LPP: variants seen among roughly 807,000 people sequenced by gnomAD.
LPP encodes LIM domain containing preferred translocation partner in lipoma, also known as lipoma-preferred partner.
Under a neutral mutation model 60.4 loss-of-function variants are expected in LPP, and 38 were observed. The observed-to-expected ratio is 0.63, with a 90% confidence interval of 0.49 to 0.83. The LOEUF is 0.83. LPP is among the 40% of genes least tolerant of loss of function. LPP has a pLI of 0.00. For missense variants in LPP, 902 were observed against 783.6 expected, an observed-to-expected ratio of 1.15 and a Z score of -1.80; for synonymous variants, 328 against 290.8, an observed-to-expected ratio of 1.13 and a Z score of -1.30.
intron 1 of LPP, among the ~76,000 whole-genome samples, chr3:188,163,472 T>C (rs368562496): frequency 7.2e-5 from 11 of 152,346 alleles, no homozygotes; most frequent in African/African-American, 2.6e-4. Flanking sequence ...GTATCAGTAG[T>C]GTTCCTTTTT....
rs186970356 is a variant in LPP, at chr3:188,455,891, A to T, written c.194-28701A>T. On this transcript the variant is annotated intron_variant, in intron 4 of 11. Transcript: ENST00000617246. ...TCATTCACTTGGCATTTAAAAAAAAATTTTTTTATTTGTTTATTTTAGAGA... is the reference window on the plus strand; with the variant it reads ...TCATTCACTTGGCATTTAAAAAAAATTTTTTTTATTTGTTTATTTTAGAGA... Among the ~76,000 whole-genome samples, 561 of 152,086 alleles carry T rather than the reference A, an allele frequency of 3.7e-3. 3 individuals carry two copies. The highest frequency in any genetic ancestry group is 0.011 in the African/African-American group (437 of 41,480).
intron 3 of LPP, among the ~76,000 whole-genome samples, chr3:188,371,130 C>T (rs1772939764): frequency 6.6e-6 from 1 of 152,112 alleles, no homozygotes. Flanking sequence ...GTACCAAGAT[C>T]TCTTATTGGG....
intron 8 of LPP, among the ~76,000 whole-genome samples, chr3:188,740,563 A>C (rs1724061107): frequency 6.6e-6 from 1 of 152,064 alleles, no homozygotes; most frequent in Non-Finnish European, 1.5e-5. Flanking sequence ...TATACTTCAG[A>C]ACCTCATAAC....
chr3:188,547,053 T>A (rs1399967716), intron 6 of LPP, among the ~76,000 whole-genome samples: 1 of 152,192 alleles, frequency 6.6e-6, no homozygotes, highest in East Asian at 1.9e-4. Context: ...GCTGTATGGA[T>A]GCCTAGCGGA....
chr3:188,385,352 G>C (rs1165385222), intron 3 of LPP, among the ~76,000 whole-genome samples: 1 of 152,068 alleles, frequency 6.6e-6, no homozygotes, highest in East Asian at 1.9e-4. Flanking sequence ...CGTGTGGGGG[G>C]GTGTGAAGAG....
chr3:188,844,123 A>G (rs1428148001), intron 9 of LPP, among the ~76,000 whole-genome samples: 1 of 152,176 alleles, frequency 6.6e-6, no homozygotes, highest in Non-Finnish European at 1.5e-5. Flanking sequence ...TCAAAACTGC[A>G]CTATGGATTT....
At chr3:188,410,616 A>AT (rs1784680396) in intron 4 of LPP, among the ~76,000 whole-genome samples, 1 of 151,976 alleles carries the variant, frequency 6.6e-6, no homozygotes, top group Admixed American at 6.6e-5. Flanking sequence ...CTTTTCACTG[A>AT]TTTTGTAACA....
At chr3:188,795,027 C>A (rs966242023) in intron 9 of LPP, among the ~76,000 whole-genome samples, 1 of 152,132 alleles carries the variant, frequency 6.6e-6, no homozygotes, top group African/African-American at 2.4e-5. Context: ...CCCAGCTACT[C>A]AGGAGGCTGA....
At chr3:188,873,081 G>A (rs1038777129) in intron 11 of LPP, among the ~76,000 whole-genome samples, 1 of 152,156 alleles carries the variant, frequency 6.6e-6, no homozygotes, top group Admixed American at 6.5e-5. Context: ...AGTGAGAAAT[G>A]GTGTTATTGA....
chr3:188,516,899 T>A (rs1817534472), intron 5 of LPP, among the ~76,000 whole-genome samples: 1 of 152,120 alleles, frequency 6.6e-6, no homozygotes, highest in South Asian at 2.1e-4. Context: ...GATCTAGGAT[T>A]GTGTTCTTTA....
At chr3:188,718,997 A>T (rs551948506) in intron 8 of LPP, among the ~76,000 whole-genome samples, 1 of 152,120 alleles carries the variant, frequency 6.6e-6, no homozygotes, top group Admixed American at 6.6e-5. Context: ...TTTTTAATTC[A>T]CTTAAGGGCA....
chr3:188,163,513 C>T (rs533186356), intron 1 of LPP, among the ~76,000 whole-genome samples: 8 of 152,212 alleles, frequency 5.3e-5, no homozygotes, highest in African/African-American at 1.7e-4. Context: ...TCGGAGGATA[C>T]GTTATATGGT....
chr3:188,573,832 C>T (rs914200066), intron 6 of LPP, among the ~76,000 whole-genome samples: 1 of 151,966 alleles, frequency 6.6e-6, no homozygotes, highest in African/African-American at 2.4e-5. Flanking sequence ...AGGGCTTCAA[C>T]TGGAAAAGAG....
intron 2 of LPP, among the ~76,000 whole-genome samples, chr3:188,271,908 A>G (rs1384593158): frequency 6.6e-6 from 1 of 152,172 alleles, no homozygotes; most frequent in Non-Finnish European, 1.5e-5. Flanking sequence ...AGAGGCACCC[A>G]TAATAGTCCC....
At chr3:188,267,923 T>C (rs2149756934) in intron 2 of LPP, among the ~76,000 whole-genome samples, 1 of 152,192 alleles carries the variant, frequency 6.6e-6, no homozygotes, top group East Asian at 1.9e-4. Context: ...AGCTGAGTGG[T>C]AGTCCTGCCA....
intron 5 of LPP, among the ~76,000 whole-genome samples, chr3:188,498,547 A>C (rs1421154991): frequency 1.3e-5 from 2 of 152,196 alleles, no homozygotes; most frequent in African/African-American, 2.4e-5. Flanking sequence ...TGTTCTGCTT[A>C]TCCGTTCTTG....
intron 3 of LPP, among the ~76,000 whole-genome samples, chr3:188,377,524 A>C (rs1163046483): frequency 6.6e-6 from 1 of 152,010 alleles, no homozygotes; most frequent in Non-Finnish European, 1.5e-5. Flanking sequence ...TGCATTCGTC[A>C]CGTAGCTCTT....
intron 7 of LPP, among the ~76,000 whole-genome samples, chr3:188,611,905 G>C (rs911124378): frequency 6.6e-6 from 1 of 152,158 alleles, no homozygotes; most frequent in Non-Finnish European, 1.5e-5. Flanking sequence ...AAAGTGCTGG[G>C]TCCAGCCACA....
chr3:188,749,267 TGA>T lies in LPP; in HGVS notation c.1241-10840_1241-10839del, dbSNP rs554200415. Among the ~76,000 whole-genome samples, 15 of 152,282 alleles carry T rather than the reference TGA, an allele frequency of 9.9e-5. No individual in the cohort carries two copies. In the South Asian group the frequency reaches 3.1e-3, roughly 32 times the overall value. ...ACCTGGGAGATAGCTCTGTGCATCT[TGA>T]GAGAGTGCTACACTGAGAGCCCAAA... On this transcript the variant is annotated intron_variant, in intron 8 of 11. Coordinates refer to ENST00000617246, the MANE Select transcript of LPP (RefSeq NM_001375462.1).
Sources: gnomAD v4.1 joint callset for allele counts (sites outside exome capture counted in the v4.1 genomes callset) on GRCh38, gnomAD v4.1.1 for gene constraint, MANE v1.5 for transcripts, NCBI Gene and HGNC (gene_info 2026-07-23, HGNC 2026-07-21) for gene names.